Variants in ZEB2 observed in about 807,000 individuals in gnomAD.
The protein encoded by ZEB2 is zinc finger E-box-binding homeobox 2.
A neutral mutation model predicts 99.9 loss-of-function variants in ZEB2; 6 were observed. That is an observed-to-expected ratio of 0.06 (90% confidence interval 0.03 to 0.12). The LOEUF is 0.12. Ranked by LOEUF, ZEB2 falls within the 10% of genes least tolerant of loss-of-function variation. The pLI is 1.00. For synonymous variants in ZEB2, 517 were observed against 542.5 expected (o/e 0.95, Z 0.65); for missense variants, 969 against 1,502.8 (o/e 0.64, Z 5.87).
At chr2:144,427,141 A>C (rs566409075) in intron 3 of ZEB2, 1 of 152,356 alleles carries the variant, frequency 6.6e-6, no homozygotes, top group East Asian at 1.9e-4. Context: ...AAAAATAAAG[A>C]GCACTTTCTT....
intron 2 of ZEB2, among the ~76,000 whole-genome samples, chr2:144,440,630 G>C (rs1319981633): frequency 6.6e-6 from 1 of 150,630 alleles, no homozygotes; most frequent in Non-Finnish European, 1.5e-5. Context: ...CAGAACAATT[G>C]AGTCACACGC....
intron 2 of ZEB2, among the ~76,000 whole-genome samples, chr2:144,472,095 G>GAA (rs148106167): frequency 6.7e-6 from 1 of 149,988 alleles, no homozygotes; most frequent in Non-Finnish European, 1.5e-5. Context: ...CATTTAATGG[G>GAA]AAAAAAAAAC....
In ZEB2 at chr2:144,468,674, A is replaced by G. The variant is rs537578000; in HGVS notation, c.74-38648T>C. Among the ~76,000 whole-genome samples the G allele has an allele frequency of 7.0e-5, 4 of 57,434 alleles. No individual in the cohort carries two copies. The South Asian group carries it at 1.5e-3, about 22-fold the overall frequency. The allele number at this position is 57,434 out of a possible 152,430, so 37.7% of individuals were successfully genotyped here. A position where few individuals can be genotyped will look rare whatever the true frequency, so the allele number is the denominator to read the frequency against. The stretch of plus-strand genomic sequence containing the variant: ...ACATGTTTGCGTGTATTACAGTACA[A>G]CAGGGGGTGAGGACAGAAGGGCAAA... On this transcript the variant is annotated intron_variant, in intron 2 of 9. Transcript: ENST00000627532.
At chr2:144,485,652 C>T (rs1704583448) in intron 2 of ZEB2, among the ~76,000 whole-genome samples, 1 of 152,074 alleles carries the variant, frequency 6.6e-6, no homozygotes, top group Non-Finnish European at 1.5e-5. Context: ...CAGAGTCTCA[C>T]GCTGTCACCT....
intron 4 of ZEB2, among the ~76,000 whole-genome samples, chr2:144,410,631 C>T (rs895694994): frequency 6.6e-5 from 10 of 152,058 alleles, no homozygotes; most frequent in Admixed American, 6.6e-4. Context: ...GATACTTATT[C>T]TTTATCATTT....
chr2:144,449,213 A>G (rs1364619544), intron 2 of ZEB2, among the ~76,000 whole-genome samples: 1 of 152,194 alleles, frequency 6.6e-6, no homozygotes. Flanking sequence ...TCTACACTGC[A>G]CCTCAGAAGG....
chr2:144,404,268 C>G (rs77528921), intron 5 of ZEB2, 138 bp from the exon 6 acceptor site: 3 of 917,706 alleles, frequency 3.3e-6, no homozygotes, highest in East Asian at 2.6e-5. Context: ...TTGCACCCGG[C>G]CCCCTCGCAC....
intron 2 of ZEB2, among the ~76,000 whole-genome samples, chr2:144,493,937 G>C (rs1704721224): frequency 6.6e-6 from 1 of 152,004 alleles, no homozygotes; most frequent in African/African-American, 2.4e-5. Context: ...CGGATCACGA[G>C]GTCAGGAGAT....
At chr2:144,487,208 T>C (rs1704611122) in intron 2 of ZEB2, among the ~76,000 whole-genome samples, 1 of 152,154 alleles carries the variant, frequency 6.6e-6, no homozygotes, top group Admixed American at 6.5e-5. Flanking sequence ...TCATGTGAAC[T>C]TAAGTTTTGG....
chr2:144,481,147 G>T (rs889405643), intron 2 of ZEB2, among the ~76,000 whole-genome samples: 4 of 152,194 alleles, frequency 2.6e-5, no homozygotes, highest in South Asian at 4.1e-4. Context: ...AGGAGGAAAA[G>T]ATTAAATTTA....
At chr2:144,472,452 G>A (rs1000950832) in intron 2 of ZEB2, among the ~76,000 whole-genome samples, 1 of 152,102 alleles carries the variant, frequency 6.6e-6, no homozygotes, top group African/African-American at 2.4e-5. Flanking sequence ...AGCGGGGTGT[G>A]ATTGGGGAGT....
chr2:144,429,738 A>C (rs1430239639), intron 3 of ZEB2, 31 bp downstream of exon 3: 1 of 1,613,728 alleles, frequency 6.2e-7, no homozygotes, highest in Non-Finnish European at 8.5e-7. Flanking sequence ...AAGATGGTAC[A>C]GGAAGAGGCC....
chr2:144,450,330 C>T (rs1232514091), intron 2 of ZEB2: 1 of 152,144 alleles, frequency 6.6e-6, no homozygotes, highest in Non-Finnish European at 1.5e-5. Flanking sequence ...ATTTCCTTTT[C>T]AGAAAATCTA....
intron 2 of ZEB2, among the ~76,000 whole-genome samples, chr2:144,510,688 CT>C (rs1705020446): frequency 1.2e-3 from 2 of 1,602 alleles, no homozygotes; most frequent in Non-Finnish European, 9.2e-3. Context: ...TACCCTGTGC[CT>C]CTCTCTCTCT....
Position 144,398,571 on chromosome 2 carries a change from T to C in ZEB2, c.2616A>G (p.Ser872=). ...TAGTGCTTTTGTTGTCCAGATTATT[T>C]GAATTTGAAAATTCCTTCTTGATAA... ...LTFIKKEFSN[S]NNLDNKSTNP... Residue 872 remains serine, a synonymous_variant, in exon 8 of 10, where the codon TCA becomes TCG. Coordinates refer to ENST00000627532, the MANE Select transcript of ZEB2 (RefSeq NM_014795.4). 1 of 1,614,206 alleles carries C rather than the reference T, an allele frequency of 6.2e-7. No homozygotes were observed. The highest frequency in any genetic ancestry group is 8.5e-7 in the Non-Finnish European group (1 of 1,180,026).
intron 2 of ZEB2, among the ~76,000 whole-genome samples, chr2:144,471,529 T>C (rs906110399): frequency 6.6e-6 from 1 of 152,008 alleles, no homozygotes; most frequent in African/African-American, 2.4e-5. Flanking sequence ...TCTTTCTTTT[T>C]TTTTTTTGGC....
At chr2:144,494,323 A>G (rs1291367657) in intron 2 of ZEB2, 1 of 152,218 alleles carries the variant, frequency 6.6e-6, no homozygotes, top group Non-Finnish European at 1.5e-5. Context: ...CAATGCAAAT[A>G]TGAATTCCAA....
At chr2:144,429,544 G>T (rs1463452734) in intron 3 of ZEB2, 1 of 639,508 alleles carries the variant, frequency 1.6e-6, no homozygotes, top group East Asian at 3.0e-5. Flanking sequence ...TGTTTGACTT[G>T]CATCAAAACT....
intron 2 of ZEB2, among the ~76,000 whole-genome samples, chr2:144,459,214 T>C (rs1704160044): frequency 6.6e-6 from 1 of 152,182 alleles, no homozygotes; most frequent in Non-Finnish European, 1.5e-5. Flanking sequence ...AATATTGTGC[T>C]TTAATCCCTG....
Sources: allele counts gnomAD v4.1 joint callset (sites outside exome capture counted in the v4.1 genomes callset), GRCh38; gene constraint gnomAD v4.1.1; transcripts MANE v1.5; gene names NCBI Gene and HGNC (gene_info 2026-07-23, HGNC 2026-07-21).